The following PCDHA3 variants were observed in gnomAD, a reference collection of about 807,000 sequenced individuals.
PCDHA3 encodes the protein protocadherin alpha-3.
PCDHA3 carries 41 observed loss-of-function variants against 62.2 expected under a neutral mutation model. That is an observed-to-expected ratio of 0.66 (90% confidence interval 0.51 to 0.86). The LOEUF (loss-of-function observed/expected upper bound fraction) is 0.86. PCDHA3 is among the 40% of genes least tolerant of loss of function. The pLI, the probability that PCDHA3 is intolerant of heterozygous loss-of-function variation, is 0.00. For synonymous variants in PCDHA3, 640 were observed against 555.4 expected (o/e 1.15, Z -2.14); for missense variants, 1,304 against 1,241.2 (o/e 1.05, Z -0.76).
intron 1 of PCDHA3, chr5:140,870,088 A>G: frequency 1.9e-6 from 3 of 1,613,934 alleles, no homozygotes; most frequent in Non-Finnish European, 2.5e-6. Flanking sequence ...GACTCCCCCA[A>G]TGGCAGGTCA....
At chr5:140,986,044 G>A (rs1261726247) in intron 3 of PCDHA3, among the ~76,000 whole-genome samples, 4 of 152,078 alleles carry the variant, frequency 2.6e-5, no homozygotes, top group African/African-American at 9.7e-5. Flanking sequence ...TGGCCTCACT[G>A]ATGAATTCTT....
At chr5:140,921,681 C>T (rs1554200353) in intron 1 of PCDHA3, among the ~76,000 whole-genome samples, 1 of 152,136 alleles carries the variant, frequency 6.6e-6, no homozygotes, top group East Asian at 1.9e-4. Context: ...TATCATCAAA[C>T]ACTGGCCACC....
rs1256461262 is a variant in PCDHA3, at chr5:140,982,640, A to T, written c.2542+77A>T. On this transcript the variant is annotated intron_variant, in intron 3 of 3. Transcript: ENST00000522353. ...ATGACCTACTTTTGTAAGATCAGGA[A>T]TGTTGATGGCTCTTTTTCTTTTATA... 3 of 1,544,442 alleles carry T rather than the reference A, an allele frequency of 1.9e-6. No individual in the cohort carries two copies. The African/African-American group carries it at 4.2e-5, about 21-fold the overall frequency.
chr5:140,841,694 G>C, intron 1 of PCDHA3: 1 of 1,613,934 alleles, frequency 6.2e-7, no homozygotes. Context: ...GGAGGTGAAG[G>C]ATGTTAATGA....
intron 1 of PCDHA3, chr5:140,870,154 G>T (rs1243170344): frequency 6.2e-7 from 1 of 1,614,130 alleles, no homozygotes; most frequent in African/African-American, 1.3e-5. Flanking sequence ...TGAAGTCGCC[G>T]TGACTTCCTT....
chr5:140,822,157 A>G (rs2150114165), intron 1 of PCDHA3: 1 of 1,614,258 alleles, frequency 6.2e-7, no homozygotes, highest in Non-Finnish European at 8.5e-7. Context: ...CATCAATGAC[A>G]ATCCGCCCAG....
intron 1 of PCDHA3, chr5:140,969,611 A>G: frequency 1.4e-6 from 1 of 723,476 alleles, no homozygotes; most frequent in Non-Finnish European, 2.2e-6. Flanking sequence ...TAAAACACAG[A>G]TTTGTAGAGA....
intron 1 of PCDHA3, chr5:140,966,979 C>T (rs1554229021): frequency 2.5e-6 from 4 of 1,603,612 alleles, no homozygotes; most frequent in Admixed American, 1.7e-5. Context: ...AGCTGCGGCG[C>T]TTGGGGCCGG....
chr5:140,843,527 A>G (rs1554140180), intron 1 of PCDHA3: 2 of 1,595,944 alleles, frequency 1.3e-6, no homozygotes, highest in East Asian at 4.5e-5. Context: ...CCGGGCGGGC[A>G]AGCCCACTCT....
At chr5:140,944,865 T>G (rs1227128611) in intron 1 of PCDHA3, among the ~76,000 whole-genome samples, 3 of 152,166 alleles carry the variant, frequency 2.0e-5, no homozygotes, top group Non-Finnish European at 4.4e-5. Flanking sequence ...TTATTTATCT[T>G]AACCACCTAC....
intron 1 of PCDHA3, among the ~76,000 whole-genome samples, chr5:140,969,939 G>A (rs188120855): frequency 4.6e-5 from 7 of 152,340 alleles, no homozygotes; most frequent in Admixed American, 2.6e-4. Context: ...ACATCATACT[G>A]AAGCTAAAGT....
intron 1 of PCDHA3, among the ~76,000 whole-genome samples, chr5:140,958,679 A>G (rs1317780380): frequency 6.6e-6 from 1 of 152,200 alleles, no homozygotes; most frequent in Non-Finnish European, 1.5e-5. Context: ...ATTATAAAGG[A>G]TATTGAATAT....
In PCDHA3 at chr5:140,857,752, C is replaced by T. The variant is rs7725388; in HGVS notation, c.2394+54161C>T. On this transcript the variant is annotated intron_variant, in intron 1 of 3. Coordinates refer to ENST00000522353, the MANE Select transcript of PCDHA3 (RefSeq NM_018906.3). ...ACGCTCCCGCGCTGCTGGCGTCTCCCGCTGGCAGCGCGGGCGGTGCAGTCA... is the reference window on the plus strand; with the variant it reads ...ACGCTCCCGCGCTGCTGGCGTCTCCTGCTGGCAGCGCGGGCGGTGCAGTCA... The T allele has an allele frequency of 7.5e-6, 12 of 1,597,052 alleles. 1 individual carries two copies. The highest frequency in any genetic ancestry group is 9.4e-6 in the Non-Finnish European group (11 of 1,167,514).
chr5:140,808,730 G>T, intron 1 of PCDHA3: 3 of 1,612,170 alleles, frequency 1.9e-6, no homozygotes, highest in Non-Finnish European at 1.7e-6. Flanking sequence ...TGCGGAGAGC[G>T]GCAAGGTGTA....
At position 140,857,384 on chromosome 5, in the gene PCDHA3, G is replaced by A; in HGVS notation, c.2394+53793G>A. 7 of 1,598,500 alleles carry A rather than the reference G, an allele frequency of 4.4e-6. 1 individual carries two copies. The highest frequency in any genetic ancestry group is 2.7e-5 in the African/African-American group (2 of 74,484). On this transcript the variant is annotated intron_variant, in intron 1 of 3. Transcript: ENST00000522353. ...GGCCAGCGTGTCTGTGGAGGTGGCC[G>A]ACGTGAACGACAACGCGCCTGCGTT...
rs1368766918 is a variant in PCDHA3 at position 141,010,867 on chromosome 5, A to G, written c.*930A>G. 4.6e-5 allele frequency: 7 copies of G among 153,798 alleles called. No homozygotes were observed. The highest frequency in any genetic ancestry group is 3.3e-4 in the Admixed American group (5 of 15,292). 9.5% of individuals were successfully genotyped at this position (153,798 alleles called of 1,614,324 possible). A position where few individuals can be genotyped will look rare whatever the true frequency, so the allele number is the denominator to read the frequency against. On this transcript the variant is annotated 3_prime_UTR_variant, in exon 4 of 4. Coordinates refer to ENST00000522353, the MANE Select transcript of PCDHA3 (RefSeq NM_018906.3). Reference sequence around the variant, plus strand: ...TTAAAAAAAGAGAAAGTCTATAGCTATAAATCTTTAAAGAGAAATATGAAT... The same window carrying G: ...TTAAAAAAAGAGAAAGTCTATAGCTGTAAATCTTTAAAGAGAAATATGAAT...
intron 1 of PCDHA3, among the ~76,000 whole-genome samples, chr5:140,940,084 A>G (rs1320170233): frequency 1.3e-5 from 2 of 152,202 alleles, no homozygotes; most frequent in East Asian, 3.8e-4. Context: ...TCTTTCTGCT[A>G]AATTGAAACT....
intron 1 of PCDHA3, chr5:140,809,179 T>G (rs782035761): frequency 5.0e-6 from 8 of 1,614,004 alleles, no homozygotes; most frequent in East Asian, 2.2e-5. Flanking sequence ...CCACGGCCAC[T>G]GTGCTGGTGT....
chr5:140,943,657 C>T (rs531235288), intron 1 of PCDHA3, among the ~76,000 whole-genome samples: 51 of 151,756 alleles, frequency 3.4e-4, no homozygotes, highest in African/African-American at 1.2e-3. Flanking sequence ...CATCTATGAA[C>T]AATGTATAAA....
Sources: gnomAD v4.1 joint callset for allele counts (sites outside exome capture counted in the v4.1 genomes callset) on GRCh38, gnomAD v4.1.1 for gene constraint, MANE v1.5 for transcripts, NCBI Gene and HGNC (gene_info 2026-07-23, HGNC 2026-07-21) for gene names.